The following FGD5 variants were observed in gnomAD, a reference collection of about 807,000 sequenced individuals.
The protein encoded by FGD5 is FYVE, RhoGEF and PH domain containing 5, also known as FYVE, RhoGEF and PH domain-containing protein 5.
FGD5 carries 28 observed loss-of-function variants against 133.4 expected under a neutral mutation model. The ratio of observed to expected loss-of-function variants is 0.21; its 90% CI spans 0.16 to 0.29. FGD5 has a LOEUF of 0.29. Ranked by LOEUF, FGD5 falls within the 10% of genes least tolerant of loss-of-function variation. The probability of loss-of-function intolerance (pLI) is 1.00; values close to 1 mark genes in which losing one functional copy is unlikely to be tolerated. For synonymous variants in FGD5, 810 were observed against 776.5 expected (o/e 1.04, Z -0.72); for missense variants, 1,858 against 1,895.2 (o/e 0.98, Z 0.36).
chr3:14,909,761 C>CTTTTTTTTTTT (rs201883392), intron 10 of FGD5, among the ~76,000 whole-genome samples: 1 of 137,500 alleles, frequency 7.3e-6, no homozygotes. Flanking sequence ...CTTTTCTTTT[C>CTTTTTTTTTTT]TTTTTTTTTT....
At chr3:14,905,946 G>T (rs1022183855) in intron 9 of FGD5, among the ~76,000 whole-genome samples, 1 of 152,012 alleles carries the variant, frequency 6.6e-6, no homozygotes, top group Admixed American at 6.5e-5. Flanking sequence ...TTTGGTCATG[G>T]CTGTTCACGG....
chr3:14,832,133 C>T (rs9837816), intron 1 of FGD5, among the ~76,000 whole-genome samples: 90,577 of 152,016 alleles, frequency 0.6, 27,586 homozygotes, highest in Non-Finnish European at 0.63. Context: ...GTGGTGGCGA[C>T]GGTCTCTTCA....
intron 2 of FGD5, among the ~76,000 whole-genome samples, chr3:14,868,813 T>C (rs2880478): frequency 0.096 from 14,551 of 152,258 alleles, 858 homozygotes; most frequent in East Asian, 0.3. Flanking sequence ...ACTGAGCGTC[T>C]ACTCTGTGCC....
intron 1 of FGD5, among the ~76,000 whole-genome samples, chr3:14,862,716 C>T (rs566388915): frequency 1.3e-5 from 2 of 152,276 alleles, no homozygotes; most frequent in East Asian, 3.9e-4. Context: ...TAGGTTGAGT[C>T]GTGGCTCAAC....
intron 18 of FGD5, among the ~76,000 whole-genome samples, chr3:14,927,377 G>T (rs1369598): frequency 0.077 from 11,705 of 152,220 alleles, 1,290 homozygotes; most frequent in African/African-American, 0.24. Context: ...TGTAATCCCA[G>T]GACTTTGGGA....
chr3:14,891,266 C>T (rs1311974250), intron 4 of FGD5, among the ~76,000 whole-genome samples: 1 of 152,168 alleles, frequency 6.6e-6, no homozygotes, highest in African/African-American at 2.4e-5. Context: ...CCCAGTACCC[C>T]AGAGCCAGCT....
At chr3:14,888,330 C>A (rs2037963105) in intron 4 of FGD5, among the ~76,000 whole-genome samples, 2 of 152,146 alleles carry the variant, frequency 1.3e-5, no homozygotes, top group African/African-American at 4.8e-5. Context: ...ACTGCTCTCT[C>A]TTAGTTAGAG....
intron 1 of FGD5, chr3:14,810,890 G>T: frequency 4.1e-6 from 4 of 985,192 alleles, no homozygotes; most frequent in Non-Finnish European, 3.6e-6. Flanking sequence ...GACCTCCGGC[G>T]CCGAGGCACG....
chr3:14,870,227 G>A (rs745740583), intron 2 of FGD5, among the ~76,000 whole-genome samples: 4 of 152,210 alleles, frequency 2.6e-5, no homozygotes, highest in East Asian at 1.9e-4. Context: ...GCAGGAGGGC[G>A]GAGAGAGTCT....
chr3:14,844,217 AATATATATATATATATATATATATATAT>A (rs869290486), intron 1 of FGD5, among the ~76,000 whole-genome samples: 6 of 20,380 alleles, frequency 2.9e-4, no homozygotes, highest in East Asian at 1.9e-3. Flanking sequence ...AAAAAAAAAA[AATATATATATATATATATATATATATAT>A]ATATATATAT....
At chr3:14,834,832 C>T (rs1457835143) in intron 1 of FGD5, among the ~76,000 whole-genome samples, 1 of 152,046 alleles carries the variant, frequency 6.6e-6, no homozygotes, top group African/African-American at 2.4e-5. Flanking sequence ...GTATTTTGTC[C>T]CTTGCCTTCT....
chr3:14,898,743 G>T lies in FGD5; in HGVS notation c.3071G>T (p.Ser1024Ile), dbSNP rs372659973. ...LAAAVREFEQ[S>I]VQGGSQTAKH... is the part of the protein sequence containing the mutation. Reference sequence around the variant, plus strand: ...CCTTCCCTGTCTTGAGAGCAGCAGAGTGTACAAGGAGGCAGCCAGACTGCG... The same window carrying T: ...CCTTCCCTGTCTTGAGAGCAGCAGATTGTACAAGGAGGCAGCCAGACTGCG... The change falls in exon 7 of 20, where the codon AGT (serine) becomes ATT (isoleucine). Residue 1024 changes from serine (S) to isoleucine (I), a missense_variant. Physicochemically the swap from Ser to Ile is moderately radical, Grantham distance 142. Around this residue, in one of 3 missense-constraint regions of FGD5, gnomAD observed 1,824 missense variants for 1,848.9 expected, o/e 0.99. Transcript: ENST00000285046. The T allele has an allele frequency of 1.0e-5, 16 of 1,581,280 alleles. No individual in the cohort carries two copies. In the African/African-American group the frequency reaches 1.9e-4, roughly 19 times the overall value.
intron 9 of FGD5, among the ~76,000 whole-genome samples, chr3:14,902,127 C>G (rs977732769): frequency 4.6e-5 from 7 of 151,796 alleles, no homozygotes; most frequent in Admixed American, 3.3e-4. Context: ...ATTAAAAATA[C>G]AAAACTTAGC....
At position 14,929,896 on chromosome 3, in the gene FGD5, T is replaced by C. The variant is rs1575268050; in HGVS notation, c.4198-2681T>C. 2.0e-5 allele frequency among the ~76,000 whole-genome samples: 3 copies of C among 152,376 alleles called. No homozygotes were observed. In the South Asian group the frequency reaches 6.2e-4, roughly 32 times the overall value. On this transcript the variant is annotated intron_variant, in intron 18 of 19. Transcript: ENST00000285046. The stretch of plus-strand genomic sequence containing the variant: ...TCTACTTTGTCAGTGTTTCCTTTTA[T>C]GACTGTTGCTTTCTGTGTGCTAAGG...
At chr3:14,887,089 T>G (rs541197045) in intron 4 of FGD5, among the ~76,000 whole-genome samples, 134 of 152,270 alleles carry the variant, frequency 8.8e-4, no homozygotes, top group African/African-American at 3.2e-3. Context: ...ATCCTCACTT[T>G]TTGTCTATTG....
Position 14,893,757 on chromosome 3 carries a change from T to TC in FGD5, c.2749-3752_2749-3751insC, listed in dbSNP as rs1434553039. On this transcript the variant is annotated intron_variant, in intron 4 of 19. Transcript: ENST00000285046. Reference sequence around the variant, plus strand: ...TTTTCTTTCTTTTCTTTTTTCTTTTTTTTTTTTTTTTTTTTGAGACAGAGT... The same window carrying TC: ...TTTTCTTTCTTTTCTTTTTTCTTTTTCTTTTTTTTTTTTTTTGAGACAGAGT... 3.6e-4 allele frequency among the ~76,000 whole-genome samples: 49 copies of TC among 135,572 alleles called. 1 individual carries two copies. The highest frequency in any genetic ancestry group is 1.2e-3 in the African/African-American group (43 of 36,760). 88.9% of individuals were successfully genotyped at this position (135,572 alleles called of 152,430 possible).
At position 14,897,616 on chromosome 3, in the gene FGD5, C is replaced by G. The variant is rs1278331428; in HGVS notation, c.2856C>G (p.Ile952Met). The change falls in exon 5 of 20, where the codon ATC (isoleucine) becomes ATG (methionine). Residue 952 changes from isoleucine (I) to methionine (M), a missense_variant. Coordinates refer to ENST00000285046, the MANE Select transcript of FGD5 (RefSeq NM_152536.4). ...AGGGCCTGAGTGAACTCCCAGCCAT[C>G]CACGACCTTCATCAAGGCATCCTGG... ...LRQGLSELPA[I>M]HDLHQGILEE... The G allele has an allele frequency of 6.2e-7, 1 of 1,606,182 alleles. No individual in the cohort carries two copies. Among genetic ancestry groups the G allele is most frequent in the African/African-American group, 1.3e-5 (1 of 74,762 alleles).
upstream of FGD5, among the ~76,000 whole-genome samples, chr3:14,815,334 C>T (rs560261575): frequency 2.7e-5 from 4 of 150,676 alleles, no homozygotes; most frequent in South Asian, 8.4e-4. Flanking sequence ...CTATGCTGGT[C>T]ACTCTATCTA....
intron 4 of FGD5, among the ~76,000 whole-genome samples, chr3:14,887,113 A>G (rs1367212226): frequency 6.6e-6 from 1 of 152,124 alleles, no homozygotes; most frequent in Non-Finnish European, 1.5e-5. Context: ...AGAGAGGCGT[A>G]TTGACCTGTC....
Sources: allele counts gnomAD v4.1 joint callset (sites outside exome capture counted in the v4.1 genomes callset), GRCh38; gene constraint gnomAD v4.1.1; regional missense constraint gnomAD v4.1.1; transcripts MANE v1.5; gene names NCBI Gene and HGNC (gene_info 2026-07-23, HGNC 2026-07-21).